GRXCR2: variants seen among roughly 807,000 people sequenced by gnomAD.
The protein encoded by GRXCR2 is glutaredoxin domain-containing cysteine-rich protein 2.
A neutral mutation model predicts 24.8 loss-of-function variants in GRXCR2; 23 were observed. That is an observed-to-expected ratio of 0.93 (90% CI 0.67 to 1.32). The LOEUF (loss-of-function observed/expected upper bound fraction) is 1.32. Among genes scored for constraint, GRXCR2 ranks in the 40% most tolerant of loss-of-function variants. The pLI is 0.00. For synonymous variants in GRXCR2, 130 were observed against 116.1 expected (o/e 1.12, Z -0.77); for missense variants, 315 against 303.4 (o/e 1.04, Z -0.28).
intron 2 of GRXCR2, among the ~76,000 whole-genome samples, chr5:145,928,509 TC>T (rs1757432489): frequency 6.6e-6 from 1 of 152,040 alleles, no homozygotes; most frequent in African/African-American, 2.4e-5. Context: ...AAGTCAAATG[TC>T]CAAAAATGAT....
At chr5:145,917,032 G>A (rs2149927347) in intron 2 of GRXCR2, among the ~76,000 whole-genome samples, 1 of 151,100 alleles carries the variant, frequency 6.6e-6, no homozygotes, top group East Asian at 1.9e-4. Flanking sequence ...ATAACAATGG[G>A]AGCCATTGCC....
intron 2 of GRXCR2, among the ~76,000 whole-genome samples, chr5:145,864,717 G>T (rs1180624466): frequency 6.6e-6 from 1 of 151,992 alleles, no homozygotes; most frequent in Non-Finnish European, 1.5e-5. Flanking sequence ...GGCCTCCCCA[G>T]CCATTTGGAA....
intron 2 of GRXCR2, among the ~76,000 whole-genome samples, chr5:145,927,737 G>T (rs1561693937): frequency 1.3e-5 from 2 of 152,062 alleles, no homozygotes; most frequent in South Asian, 2.1e-4. Flanking sequence ...GATGATGCTG[G>T]CCTCATAAAA....
chr5:145,877,142 GA>G (rs1291164290), upstream of GRXCR2, among the ~76,000 whole-genome samples: 1 of 151,528 alleles, frequency 6.6e-6, no homozygotes, highest in Non-Finnish European at 1.5e-5. Context: ...TTTAAAGAAA[GA>G]AAGATATTTA....
chr5:145,922,126 T>C (rs929691918), intron 2 of GRXCR2, among the ~76,000 whole-genome samples: 1 of 152,154 alleles, frequency 6.6e-6, no homozygotes, highest in African/African-American at 2.4e-5. Flanking sequence ...GCCAAGCATT[T>C]TGTGATCATG....
chr5:145,905,447 AT>A (rs1452766049), intron 2 of GRXCR2, among the ~76,000 whole-genome samples: 1 of 152,174 alleles, frequency 6.6e-6, no homozygotes, highest in Non-Finnish European at 1.5e-5. Context: ...TTATTCATTC[AT>A]TTTTATTAGA....
chr5:145,926,404 A>G (rs991975998), intron 2 of GRXCR2, among the ~76,000 whole-genome samples: 15 of 152,208 alleles, frequency 9.9e-5, no homozygotes, highest in African/African-American at 3.6e-4. Context: ...TAATTTTTGT[A>G]TAAGGCGTAA....
At chr5:145,893,960 G>C (rs1321083479) in intron 2 of GRXCR2, among the ~76,000 whole-genome samples, 3 of 152,136 alleles carry the variant, frequency 2.0e-5, no homozygotes, top group Non-Finnish European at 2.9e-5. Context: ...AATCAAACTA[G>C]AACTCAGGAT....
At chr5:145,911,206 C>T (rs1318686421) in intron 2 of GRXCR2, among the ~76,000 whole-genome samples, 3 of 152,194 alleles carry the variant, frequency 2.0e-5, no homozygotes, top group African/African-American at 4.8e-5. Context: ...ATTTTAGGAA[C>T]TAGTTTGGTC....
At chr5:145,871,419 A>C (rs1487967516) in intron 1 of GRXCR2, among the ~76,000 whole-genome samples, 1 of 152,194 alleles carries the variant, frequency 6.6e-6, no homozygotes, top group East Asian at 1.9e-4. Context: ...CTGTAGTATC[A>C]GATGGATCCC....
chr5:145,909,217 G>A (rs926502099), intron 2 of GRXCR2, among the ~76,000 whole-genome samples: 8 of 152,260 alleles, frequency 5.3e-5, no homozygotes, highest in Non-Finnish European at 7.4e-5. Context: ...GCTATGAGGC[G>A]CGCAGTCATT....
intron 1 of GRXCR2, among the ~76,000 whole-genome samples, chr5:145,870,180 G>A (rs1454246290): frequency 6.6e-6 from 1 of 152,042 alleles, no homozygotes; most frequent in Non-Finnish European, 1.5e-5. Flanking sequence ...TTCATCTCCA[G>A]AACGTTTTCT....
chr5:145,906,987 G>C (rs569439146), intron 2 of GRXCR2, among the ~76,000 whole-genome samples: 2 of 152,320 alleles, frequency 1.3e-5, no homozygotes, highest in East Asian at 1.9e-4. Flanking sequence ...TTGTGGAGAG[G>C]AAAAGCTTTC....
intron 2 of GRXCR2, among the ~76,000 whole-genome samples, chr5:145,920,818 G>A (rs1239242407): frequency 6.6e-6 from 1 of 152,212 alleles, no homozygotes; most frequent in Non-Finnish European, 1.5e-5. Context: ...TAGGAGGCAG[G>A]GCCTTTGGGA....
At chr5:145,863,431 A>G (rs946007231) in intron 2 of GRXCR2, among the ~76,000 whole-genome samples, 2 of 152,224 alleles carry the variant, frequency 1.3e-5, no homozygotes, top group Non-Finnish European at 2.9e-5. Context: ...AAAAACACAG[A>G]TCTCTCCAAA....
chr5:145,897,224 G>A lies in GRXCR2; in HGVS notation c.-69-30496C>T, dbSNP rs148677303. On this transcript the variant is annotated intron_variant, in intron 2 of 3. Coordinates refer to the GRXCR2 transcript ENST00000639411. Reference sequence around the variant, plus strand: ...GCACACCAACATGGCTCATGTATACGTATGTAACAAACCTGTTGTTTGTTA... The same window carrying A: ...GCACACCAACATGGCTCATGTATACATATGTAACAAACCTGTTGTTTGTTA... 1.0e-3 allele frequency among the ~76,000 whole-genome samples: 153 copies of A among 148,422 alleles called. No individual in the cohort carries two copies. The East Asian group carries it at 0.022, about 21-fold the overall frequency.
At chr5:145,905,055 C>A (rs1439557448) in intron 2 of GRXCR2, among the ~76,000 whole-genome samples, 1 of 152,194 alleles carries the variant, frequency 6.6e-6, no homozygotes, top group Non-Finnish European at 1.5e-5. Flanking sequence ...CACATCCATG[C>A]TCAGAGCCAC....
chr5:145,866,134 C>CAAAAAAAAAAA, intron 2 of GRXCR2, among the ~76,000 whole-genome samples: 1 of 85,830 alleles, frequency 1.2e-5, no homozygotes, highest in Non-Finnish European at 2.8e-5. Context: ...AACTCCTTCT[C>CAAAAAAAAAAA]AAAAAAAAAA....
At position 145,873,007 on chromosome 5, in the gene GRXCR2, C is replaced by G. The variant is rs370227864; in HGVS notation, c.-39G>C. ...ACCCTGTGGTCTCCAGCCTTCCGTG[C>G]AGCCGGTGAAACTTGGGCCTCTGAG... On this transcript the variant is annotated 5_prime_UTR_variant, in exon 1 of 3. Transcript: ENST00000377976. 1 of 1,563,836 alleles carries G rather than the reference C, an allele frequency of 6.4e-7. No individual in the cohort carries two copies. The highest frequency in any genetic ancestry group is 8.8e-7 in the Non-Finnish European group (1 of 1,140,852).
Sources: gnomAD v4.1 joint callset for allele counts (sites outside exome capture counted in the v4.1 genomes callset) on GRCh38, gnomAD v4.1.1 for gene constraint, MANE v1.5 for transcripts, NCBI Gene and HGNC (gene_info 2026-07-23, HGNC 2026-07-21) for gene names.